The following TNFSF4 variants were observed in gnomAD, a reference collection of about 807,000 sequenced individuals.
TNFSF4 encodes tumor necrosis factor ligand superfamily member 4.
A neutral mutation model predicts 7.3 loss-of-function variants in TNFSF4; 4 were observed. The ratio of observed to expected loss-of-function variants is 0.55; its 90% CI spans 0.27 to 1.25. The LOEUF (loss-of-function observed/expected upper bound fraction) is 1.25, where lower values mean the gene tolerates loss of function less well. TNFSF4 is among the 50% of genes most tolerant of loss of function. TNFSF4 has a pLI of 0.12. For missense variants in TNFSF4, 181 were observed against 208.8 expected (o/e 0.87, Z 0.82); for synonymous variants, 76 against 83.7 (o/e 0.91, Z 0.50).
At chr1:173,226,515 G>A in the TNFSF4 span, among the ~76,000 whole-genome samples, 1 of 152,208 alleles carries the variant, frequency 6.6e-6, no homozygotes, top group South Asian at 2.1e-4. Context: ...ACCTCAAAGA[G>A]CTAGATGGTT....
At chr1:173,447,871 T>C in the TNFSF4 span, among the ~76,000 whole-genome samples, 1 of 152,084 alleles carries the variant, frequency 6.6e-6, no homozygotes, top group Non-Finnish European at 1.5e-5. Context: ...AAGACCTAAC[T>C]ATCTACAAGA....
chr1:173,267,590 G>T, the TNFSF4 span, among the ~76,000 whole-genome samples: 5 of 152,186 alleles, frequency 3.3e-5, no homozygotes, highest in East Asian at 9.7e-4. Flanking sequence ...TTTAAAACAA[G>T]AATTTATTAG....
In TNFSF4 at chr1:173,186,397, T is replaced by C. The variant is rs1210613682; in HGVS notation, c.*119A>G. On this transcript the variant is annotated 3_prime_UTR_variant, in exon 3 of 3. Coordinates refer to ENST00000281834, the MANE Select transcript of TNFSF4 (RefSeq NM_003326.5). ...CGGGAGGGCCAGGATCTGCTTCTTG[T>C]CACATCCCACGTGGCTGAGCTGGGA... The C allele has an allele frequency of 1.5e-5, 12 of 782,992 alleles. No individual in the cohort carries two copies. Among genetic ancestry groups the C allele is most frequent in the Non-Finnish European group, 2.4e-5 (12 of 495,930 alleles). The allele number at this position is 782,992 out of a possible 1,614,324, so 48.5% of individuals were successfully genotyped here.
At chr1:173,402,408 G>C in the TNFSF4 span, among the ~76,000 whole-genome samples, 1 of 152,154 alleles carries the variant, frequency 6.6e-6, no homozygotes, top group South Asian at 2.1e-4. Flanking sequence ...TCACAGCCCA[G>C]CTTGTGTATA....
At chr1:173,428,820 C>T in the TNFSF4 span, among the ~76,000 whole-genome samples, 1 of 152,142 alleles carries the variant, frequency 6.6e-6, no homozygotes, top group East Asian at 1.9e-4. Flanking sequence ...GCCTGGCCAA[C>T]ATGGTGAAAC....
the TNFSF4 span, among the ~76,000 whole-genome samples, chr1:173,414,294 C>T: frequency 6.6e-6 from 1 of 152,122 alleles, no homozygotes; most frequent in African/African-American, 2.4e-5. Flanking sequence ...CATGGCCTTT[C>T]CTCTGTGTGT....
upstream of TNFSF4, among the ~76,000 whole-genome samples, chr1:173,211,007 T>G (rs1557889503): frequency 6.6e-6 from 1 of 152,100 alleles, no homozygotes; most frequent in East Asian, 1.9e-4. Flanking sequence ...CCGCAGGGGG[T>G]GCCTTGTTCT....
the TNFSF4 span, among the ~76,000 whole-genome samples, chr1:173,313,868 T>C: frequency 2.1e-3 from 316 of 152,212 alleles, no homozygotes; most frequent in African/African-American, 7.0e-3. Flanking sequence ...ATTTTGTGTT[T>C]AGAGCCCAGC....
At chr1:173,353,349 G>T in the TNFSF4 span, among the ~76,000 whole-genome samples, 2 of 152,206 alleles carry the variant, frequency 1.3e-5, no homozygotes, top group Non-Finnish European at 2.9e-5. Context: ...ACTAACAAAT[G>T]TCCATGAAGT....
the TNFSF4 span, among the ~76,000 whole-genome samples, chr1:173,294,929 T>A: frequency 1.3e-5 from 2 of 152,040 alleles, no homozygotes; most frequent in Non-Finnish European, 2.9e-5. Context: ...ACAATCCAAT[T>A]TTTTAACGGG....
At chr1:173,309,441 A>C in the TNFSF4 span, among the ~76,000 whole-genome samples, 6 of 151,882 alleles carry the variant, frequency 4.0e-5, no homozygotes, top group Non-Finnish European at 8.8e-5. Context: ...GAATTTTATC[A>C]GAGATTTTTC....
chr1:173,268,107 A>G, the TNFSF4 span, among the ~76,000 whole-genome samples: 605 of 152,214 alleles, frequency 4.0e-3, 5 homozygotes, highest in African/African-American at 0.014. Context: ...TCCTCAGATT[A>G]AGGGAAATCA....
the TNFSF4 span, among the ~76,000 whole-genome samples, chr1:173,381,876 C>T: frequency 6.6e-6 from 1 of 152,152 alleles, no homozygotes; most frequent in Non-Finnish European, 1.5e-5. Context: ...TGTAAATGCA[C>T]CAAGCAGCAC....
chr1:173,406,914 T>C, the TNFSF4 span, among the ~76,000 whole-genome samples: 1 of 152,148 alleles, frequency 6.6e-6, no homozygotes, highest in East Asian at 1.9e-4. Context: ...AAGTGAACAG[T>C]GACAGCGGCC....
chr1:173,210,610 T>G (rs779468919), upstream of TNFSF4, among the ~76,000 whole-genome samples: 89 of 152,148 alleles, frequency 5.8e-4, no homozygotes, highest in Middle Eastern at 6.8e-3. Flanking sequence ...TGGAGAAACA[T>G]GGAGAGGTTT....
At chr1:173,329,658 T>C in the TNFSF4 span, among the ~76,000 whole-genome samples, 1 of 152,158 alleles carries the variant, frequency 6.6e-6, no homozygotes, top group Non-Finnish European at 1.5e-5. Context: ...ACAAACTTCA[T>C]GTAATATGAG....
At chr1:173,219,243 G>A in the TNFSF4 span, among the ~76,000 whole-genome samples, 24 of 151,898 alleles carry the variant, frequency 1.6e-4, no homozygotes, top group Non-Finnish European at 2.9e-4. Context: ...CTTTTCCATT[G>A]GTTAAATTCT....
the TNFSF4 span, among the ~76,000 whole-genome samples, chr1:173,349,682 G>T: frequency 6.6e-6 from 1 of 152,138 alleles, no homozygotes; most frequent in Non-Finnish European, 1.5e-5. Flanking sequence ...TTAAGCTGTA[G>T]GATGCTCAGT....
upstream of TNFSF4, among the ~76,000 whole-genome samples, chr1:173,210,553 G>T (rs1298369793): frequency 6.6e-6 from 1 of 152,142 alleles, no homozygotes; most frequent in Non-Finnish European, 1.5e-5. Flanking sequence ...TGTCGTAAAT[G>T]GACTTTTGTT....
Sources: allele counts gnomAD v4.1 joint callset (sites outside exome capture counted in the v4.1 genomes callset), GRCh38; gene constraint gnomAD v4.1.1; transcripts MANE v1.5; gene names NCBI Gene and HGNC (gene_info 2026-07-23, HGNC 2026-07-21).